The following ZFYVE26 variants were observed in gnomAD, a reference collection of about 807,000 sequenced individuals.
The protein encoded by ZFYVE26 is zinc finger FYVE-type containing 26.
A neutral mutation model predicts 276.5 loss-of-function variants in ZFYVE26; 181 were observed. That is an observed-to-expected ratio of 0.65 (90% CI 0.58 to 0.74). The LOEUF (loss-of-function observed/expected upper bound fraction) is 0.74, where lower values mean the gene tolerates loss of function less well. ZFYVE26 is among the 30% of genes least tolerant of loss of function. The pLI, the probability that ZFYVE26 is intolerant of heterozygous loss-of-function variation, is 0.00. For missense variants in ZFYVE26, 2,821 were observed against 3,097.9 expected, an observed-to-expected ratio of 0.91 and a Z score of 2.12; for synonymous variants, 1,129 against 1,203.1, an observed-to-expected ratio of 0.94 and a Z score of 1.27.
At chr14:67,775,190 C>G in intron 26 of ZFYVE26, 76 bp from the exon 27 acceptor site, 2 of 1,017,718 alleles carry the variant, frequency 2.0e-6, no homozygotes, top group Non-Finnish European at 2.9e-6. Flanking sequence ...GCATTTAGAA[C>G]AAAGCTCTGT....
chr14:67,791,812 C>A (rs1336804923), intron 14 of ZFYVE26, among the ~76,000 whole-genome samples: 2 of 149,154 alleles, frequency 1.3e-5, no homozygotes, highest in African/African-American at 4.9e-5. Context: ...GTAATCCCAG[C>A]ACTTCAGGAG....
At chr14:67,751,803 G>A (rs1316443927) in intron 40 of ZFYVE26, among the ~76,000 whole-genome samples, 3 of 151,986 alleles carry the variant, frequency 2.0e-5, no homozygotes, top group Non-Finnish European at 1.5e-5. Flanking sequence ...AACCCAGGAG[G>A]CAGAGCTTGC....
intron 10 of ZFYVE26, chr14:67,799,306 G>A: frequency 6.2e-7 from 1 of 1,613,524 alleles, no homozygotes; most frequent in Non-Finnish European, 8.5e-7. Context: ...CCAGGATAAG[G>A]AATATTGTTC....
At chr14:67,783,709 C>T (rs978783660) in intron 20 of ZFYVE26, among the ~76,000 whole-genome samples, 184 bp from the exon 21 acceptor site, 2 of 152,126 alleles carry the variant, frequency 1.3e-5, no homozygotes, top group Non-Finnish European at 2.9e-5. Context: ...TTTTCACGAA[C>T]ACTTCTGCGA....
At chr14:67,789,273 A>C in intron 16 of ZFYVE26, 62 bp downstream of exon 16, 1 of 1,608,538 alleles carries the variant, frequency 6.2e-7, no homozygotes, top group Non-Finnish European at 8.5e-7. Context: ...ACAATTTATC[A>C]AGACTCTCAG....
At chr14:67,733,027 C>G (rs1033188577) in intron 13 of ZFYVE26, among the ~76,000 whole-genome samples, 1 of 151,954 alleles carries the variant, frequency 6.6e-6, no homozygotes, top group Non-Finnish European at 1.5e-5. Flanking sequence ...TGCTAAATGA[C>G]GAGTTCATGG....
At chr14:67,809,782 C>CTT (rs58842467) in intron 3 of ZFYVE26, among the ~76,000 whole-genome samples, 1,754 of 120,016 alleles carry the variant, frequency 0.015, 50 homozygotes, top group Non-Finnish European at 0.022. Flanking sequence ...ATTCTTTTCT[C>CTT]TTTTTTTTTT....
At chr14:67,790,487 G>T in intron 15 of ZFYVE26, 85 bp downstream of exon 15, 1 of 1,423,776 alleles carries the variant, frequency 7.0e-7, no homozygotes. Context: ...ACCCTCATGA[G>T]GAGCCTAGGA....
intron 31 of ZFYVE26, among the ~76,000 whole-genome samples, chr14:67,766,822 C>T (rs1267438773): frequency 6.6e-6 from 1 of 152,146 alleles, no homozygotes; most frequent in East Asian, 1.9e-4. Context: ...ACCTCAGCCT[C>T]CCAAGTAGTG....
intron 41 of ZFYVE26, 188 bp downstream of exon 41, chr14:67,750,864 T>G: frequency 1.4e-6 from 1 of 724,814 alleles, no homozygotes; most frequent in Non-Finnish European, 2.4e-6. Flanking sequence ...GCAGTCCATG[T>G]TCACCTGCTC....
At chr14:67,761,098 T>C in intron 35 of ZFYVE26, 1 of 636,374 alleles carries the variant, frequency 1.6e-6, no homozygotes, top group Non-Finnish European at 2.8e-6. Flanking sequence ...TCTTAACCAC[T>C]ATCCGATTCT....
Position 67,807,768 on chromosome 14 carries a change from C to T in ZFYVE26, c.516G>A (p.Leu172=), listed in dbSNP as rs1324146272. The T allele has an allele frequency of 1.9e-6, 3 of 1,614,092 alleles. No homozygotes were observed. Among genetic ancestry groups the T allele is most frequent in the Non-Finnish European group, 2.5e-6 (3 of 1,180,042 alleles). ...RQSPQPAQAL[L]ELLLEEDDGT... ...CGTCATCCTCCTCAAGCAGGAGCTC[C>T]AGCAGGGCCTGTGCTGGCTGGGGAG... The change falls in exon 5 of 42, where the codon CTG becomes CTA. Residue 172 remains leucine, a synonymous_variant. Coordinates refer to ENST00000347230, the MANE Select transcript of ZFYVE26 (RefSeq NM_015346.4).
intron 40 of ZFYVE26, chr14:67,751,336 G>T: frequency 1.7e-6 from 1 of 582,728 alleles, no homozygotes; most frequent in Non-Finnish European, 3.1e-6. Flanking sequence ...TTCCAATCTG[G>T]GCCAGTTCAC....
intron 14 of ZFYVE26, among the ~76,000 whole-genome samples, chr14:67,793,255 TCAAACAAACAAA>T (rs112741778): frequency 8.6e-5 from 13 of 151,162 alleles, no homozygotes; most frequent in African/African-American, 3.2e-4. Context: ...AGACTCTGTC[TCAAACAAACAAA>T]CAAACAAACA....
At chr14:67,797,892 C>T (rs890043924) in intron 11 of ZFYVE26, 122 bp downstream of exon 11, 7 of 1,585,454 alleles carry the variant, frequency 4.4e-6, no homozygotes, top group East Asian at 4.5e-5. Flanking sequence ...ACACTGGTTG[C>T]CATGGTGACG....
chr14:67,733,155 G>C (rs1197105459), intron 13 of ZFYVE26, among the ~76,000 whole-genome samples: 1 of 152,028 alleles, frequency 6.6e-6, no homozygotes, highest in East Asian at 1.9e-4. Context: ...AAAAAAACAT[G>C]ATGAGAACTG....
At chr14:67,783,807 C>T (rs987408835) in intron 20 of ZFYVE26, among the ~76,000 whole-genome samples, 2 of 152,134 alleles carry the variant, frequency 1.3e-5, no homozygotes, top group African/African-American at 4.8e-5. Context: ...AATAACTAGG[C>T]TCCTGTTAGT....
At chr14:67,730,316 T>C (rs983880242) in intron 13 of ZFYVE26, among the ~76,000 whole-genome samples, 1 of 152,220 alleles carries the variant, frequency 6.6e-6, no homozygotes, top group African/African-American at 2.4e-5. Context: ...TAGCCACATG[T>C]TGCTATTGAG....
intron 13 of ZFYVE26, among the ~76,000 whole-genome samples, chr14:67,735,540 T>C (rs1478112216): frequency 2.0e-5 from 3 of 152,262 alleles, no homozygotes; most frequent in Non-Finnish European, 4.4e-5. Context: ...GGGGCTGTTT[T>C]TCCGCTATTG....
Sources: gnomAD v4.1 joint callset for allele counts (sites outside exome capture counted in the v4.1 genomes callset) on GRCh38, gnomAD v4.1.1 for gene constraint, MANE v1.5 for transcripts, NCBI Gene and HGNC (gene_info 2026-07-23, HGNC 2026-07-21) for gene names.